LINGO2: variants seen among roughly 807,000 people sequenced by gnomAD.
The protein encoded by LINGO2 is leucine rich repeat and Ig domain containing 2, also known as leucine-rich repeat and immunoglobulin-like domain-containing nogo receptor-interacting protein 2.
LINGO2 carries 14 observed loss-of-function variants against 30.6 expected under a neutral mutation model. The observed-to-expected ratio is 0.46, with a 90% confidence interval of 0.30 to 0.72. The LOEUF (loss-of-function observed/expected upper bound fraction) is 0.72, where lower values mean the gene tolerates loss of function less well. LINGO2 is among the 30% of genes least tolerant of loss of function. LINGO2 has a pLI of 0.07. For synonymous variants in LINGO2, 317 were observed against 288.5 expected, an observed-to-expected ratio of 1.10 and a Z score of -1.00; for missense variants, 729 against 751.7, an observed-to-expected ratio of 0.97 and a Z score of 0.35.
At chr9:29,003,321 G>T in the LINGO2 span, among the ~76,000 whole-genome samples, 1 of 152,100 alleles carries the variant, frequency 6.6e-6, no homozygotes, top group African/African-American at 2.4e-5. Context: ...TAATGAATTT[G>T]TATGCTCTTT....
chr9:29,118,346 A>G, the LINGO2 span, among the ~76,000 whole-genome samples: 1 of 152,196 alleles, frequency 6.6e-6, no homozygotes, highest in Non-Finnish European at 1.5e-5. Flanking sequence ...TGATCATTAA[A>G]ATGGCACCTG....
the LINGO2 span, among the ~76,000 whole-genome samples, chr9:28,786,014 A>G: frequency 3.2e-4 from 48 of 152,326 alleles, no homozygotes; most frequent in Non-Finnish European, 4.0e-4. Flanking sequence ...ATTTCTTACA[A>G]GAATTCACAA....
the LINGO2 span, among the ~76,000 whole-genome samples, chr9:28,820,836 G>A: frequency 2.0e-5 from 3 of 152,142 alleles, no homozygotes; most frequent in South Asian, 6.2e-4. Context: ...AATTTGCTTC[G>A]AAAATAGCAG....
At chr9:29,154,449 C>CAA in the LINGO2 span, among the ~76,000 whole-genome samples, 15,677 of 95,234 alleles carry the variant, frequency 0.16, 1,429 homozygotes, top group Non-Finnish European at 0.21. Context: ...GACTCCGTCT[C>CAA]AAAAAAAAAA....
chr9:28,369,643 G>C (rs1820820433), intron 3 of LINGO2, among the ~76,000 whole-genome samples: 1 of 152,180 alleles, frequency 6.6e-6, no homozygotes, highest in South Asian at 2.1e-4. Context: ...GAGAGACTAG[G>C]TTGAACTACA....
chr9:28,863,626 T>C, the LINGO2 span: 11 of 496,746 alleles, frequency 2.2e-5, no homozygotes, highest in Admixed American at 1.6e-4. Context: ...GAAGCACCTG[T>C]GAAGCACTAT....
chr9:28,536,716 C>A (rs1488115848), intron 1 of LINGO2, among the ~76,000 whole-genome samples: 1 of 152,044 alleles, frequency 6.6e-6, no homozygotes, highest in Non-Finnish European at 1.5e-5. Flanking sequence ...ATCAACTTGA[C>A]AGAATCTGAA....
chr9:28,283,148 C>T (rs1343274323), intron 4 of LINGO2, among the ~76,000 whole-genome samples: 1 of 152,122 alleles, frequency 6.6e-6, no homozygotes, highest in African/African-American at 2.4e-5. Flanking sequence ...AAAGAAAAAT[C>T]CTATTTAGAT....
At chr9:28,409,933 A>T (rs868199184) in intron 2 of LINGO2, among the ~76,000 whole-genome samples, 1 of 105,150 alleles carries the variant, frequency 9.5e-6, no homozygotes, top group East Asian at 3.2e-4. Context: ...AGGGAGAAGG[A>T]AAGGAAGAGG....
chr9:28,344,538 A>G (rs906896895), intron 3 of LINGO2, among the ~76,000 whole-genome samples: 3 of 152,266 alleles, frequency 2.0e-5, no homozygotes, highest in East Asian at 3.9e-4. Context: ...GTATATATAC[A>G]TAGAAATATG....
At chr9:28,931,556 C>A in the LINGO2 span, among the ~76,000 whole-genome samples, 1 of 152,152 alleles carries the variant, frequency 6.6e-6, no homozygotes, top group African/African-American at 2.4e-5. Context: ...CACATTTGTC[C>A]TTAACTACAA....
chr9:28,506,487 TACACACACAC>T (rs374238897), intron 1 of LINGO2, among the ~76,000 whole-genome samples: 4 of 40,416 alleles, frequency 9.9e-5, no homozygotes, highest in African/African-American at 2.7e-4. Context: ...CACATACACA[TACACACACAC>T]ACACAGACAT....
chr9:28,938,190 C>G, the LINGO2 span, among the ~76,000 whole-genome samples: 1 of 152,092 alleles, frequency 6.6e-6, no homozygotes, highest in African/African-American at 2.4e-5. Flanking sequence ...AGTGGCAGGA[C>G]CTCTGCTGGA....
intron 4 of LINGO2, among the ~76,000 whole-genome samples, chr9:28,042,953 G>C (rs572417078): frequency 1.3e-5 from 2 of 152,124 alleles, no homozygotes; most frequent in East Asian, 3.9e-4. Flanking sequence ...GAAAAATCCC[G>C]TAAACATTTC....
chr9:28,562,151 G>C (rs10491884), intron 1 of LINGO2, among the ~76,000 whole-genome samples: 1 of 151,664 alleles, frequency 6.6e-6, no homozygotes, highest in Non-Finnish European at 1.5e-5. Context: ...AAAATGCTCT[G>C]CTAATGAACC....
At chr9:28,691,818 G>T in the LINGO2 span, among the ~76,000 whole-genome samples, 10 of 152,092 alleles carry the variant, frequency 6.6e-5, no homozygotes, top group Non-Finnish European at 1.5e-4. Context: ...AGCTACAATT[G>T]AATTAATTCC....
At chr9:28,925,997 T>C in the LINGO2 span, among the ~76,000 whole-genome samples, 1 of 152,152 alleles carries the variant, frequency 6.6e-6, no homozygotes, top group African/African-American at 2.4e-5. Context: ...TGTCCAACCT[T>C]TGATCTGGGT....
the LINGO2 span, among the ~76,000 whole-genome samples, chr9:29,191,627 A>G: frequency 3.4e-4 from 51 of 152,112 alleles, no homozygotes; most frequent in Non-Finnish European, 6.8e-4. Context: ...TGAAAACACG[A>G]AACATTCTGG....
At chr9:28,782,844 T>C in the LINGO2 span, among the ~76,000 whole-genome samples, 1 of 152,190 alleles carries the variant, frequency 6.6e-6, no homozygotes, top group Non-Finnish European at 1.5e-5. Context: ...AATTTCATCA[T>C]TGTGCAACCT....
Sources: gnomAD v4.1 joint callset for allele counts (sites outside exome capture counted in the v4.1 genomes callset) on GRCh38, gnomAD v4.1.1 for gene constraint, MANE v1.5 for transcripts, NCBI Gene and HGNC (gene_info 2026-07-23, HGNC 2026-07-21) for gene names.